Variants in AGBL3 observed in about 807,000 individuals in gnomAD.
AGBL3 encodes the protein AGBL carboxypeptidase 3, also known as cytosolic carboxypeptidase 3.
Under a neutral mutation model 94.5 loss-of-function variants are expected in AGBL3, and 68 were observed. The observed-to-expected ratio is 0.72, with a 90% CI of 0.59 to 0.88. AGBL3 has a LOEUF of 0.88. Among genes scored for constraint, AGBL3 ranks in the 40% least tolerant of loss-of-function variants. The pLI is 0.00. For synonymous variants in AGBL3, 354 were observed against 370.7 expected (o/e 0.95, Z 0.52); for missense variants, 934 against 1,103.8 (o/e 0.85, Z 2.18).
chr7:134,995,892 C>A (rs1810950460), intron 4 of AGBL3, among the ~76,000 whole-genome samples: 1 of 152,172 alleles, frequency 6.6e-6, no homozygotes, highest in South Asian at 2.1e-4. Flanking sequence ...CTGGAACACC[C>A]AATACAATAC....
In AGBL3 at chr7:135,135,063, C is replaced by G; in HGVS notation, c.2565C>G (p.Leu855=). 6.4e-7 allele frequency: 1 copy of G among 1,551,220 alleles called. No individual in the cohort carries two copies. Among genetic ancestry groups the G allele is most frequent in the Non-Finnish European group, 8.7e-7 (1 of 1,146,662 alleles). The change falls in exon 17 of 17, where the codon CTC becomes CTG. Residue 855 remains leucine, a synonymous_variant. Coordinates refer to ENST00000436302, the MANE Select transcript of AGBL3 (RefSeq NM_178563.4). ...TAAAGAATGAAGACATAAAACCTCTCAGCAGCAAGTGGGAGACTGCTTCTT... is the reference window on the plus strand; with the variant it reads ...TAAAGAATGAAGACATAAAACCTCTGAGCAGCAAGTGGGAGACTGCTTCTT... ...WAIKNEDIKP[L]SSKWETASSS...
intron 5 of AGBL3, among the ~76,000 whole-genome samples, chr7:135,020,743 G>A (rs531737475): frequency 2.6e-5 from 4 of 152,172 alleles, no homozygotes; most frequent in East Asian, 1.9e-4. Flanking sequence ...AAAATGATGA[G>A]TTCATGTCCC....
At chr7:135,117,432 T>G (rs868485052) in intron 16 of AGBL3, among the ~76,000 whole-genome samples, 1 of 152,208 alleles carries the variant, frequency 6.6e-6, no homozygotes, top group South Asian at 2.1e-4. Context: ...TGCAAACTCT[T>G]ACAGCACATT....
At chr7:135,023,685 T>C (rs1324760929) in intron 5 of AGBL3, among the ~76,000 whole-genome samples, 1 of 151,944 alleles carries the variant, frequency 6.6e-6, no homozygotes. Context: ...GACTACAGGG[T>C]CAAGAGAGAG....
At chr7:135,024,706 A>T (rs943934159) in intron 5 of AGBL3, among the ~76,000 whole-genome samples, 16 of 152,320 alleles carry the variant, frequency 1.1e-4, no homozygotes, top group African/African-American at 3.8e-4. Flanking sequence ...AATCTTATCG[A>T]GATTCAGGAG....
chr7:134,987,993 ATCGG>A lies in AGBL3; in HGVS notation c.62_63+2del. The A allele has an allele frequency of 6.5e-7, 1 of 1,540,610 alleles. No individual in the cohort carries two copies. The highest frequency in any genetic ancestry group is 8.8e-7 in the Non-Finnish European group (1 of 1,142,136). ...ACAGAACAATCAGTGATGAAGATGAATCGGTATGTTTTTCTCAACTTTATTTTAC... is the reference window on the plus strand; with the variant it reads ...ACAGAACAATCAGTGATGAAGATGAATATGTTTTTCTCAACTTTATTTTAC... On this transcript the variant is annotated splice_donor_variant and coding_sequence_variant, in exon 2 of 17. Coordinates refer to ENST00000436302, the MANE Select transcript of AGBL3 (RefSeq NM_178563.4). LOFTEE classifies it high-confidence loss of function.
chr7:135,128,500 G>A (rs568797639), intron 16 of AGBL3: 44 of 757,446 alleles, frequency 5.8e-5, no homozygotes, highest in African/African-American at 5.0e-4. Context: ...GAGTATTTAC[G>A]ATGGAGATGA....
At chr7:135,053,610 AAAAAC>A (rs201764002) in intron 11 of AGBL3, among the ~76,000 whole-genome samples, 10 of 151,912 alleles carry the variant, frequency 6.6e-5, no homozygotes, top group Non-Finnish European at 1.5e-4. Flanking sequence ...TCCGTCTCAA[AAAAAC>A]AAAACAAAAC....
Position 135,066,569 on chromosome 7 carries a change from A to G in AGBL3, c.1908+7334A>G, listed in dbSNP as rs1333476610. On this transcript the variant is annotated intron_variant, in intron 12 of 16. Coordinates refer to ENST00000436302, the MANE Select transcript of AGBL3 (RefSeq NM_178563.4). ...AAAACAATATGGAGTTTCCTCAAAA[A>G]AATTTAAAAGTGAATTACCATATGA... Among the ~76,000 whole-genome samples the G allele has an allele frequency of 3.3e-5, 5 of 152,246 alleles. No individual in the cohort carries two copies. In the East Asian group the frequency reaches 9.6e-4, roughly 29 times the overall value.
chr7:135,080,329 C>G (rs1327133575), intron 14 of AGBL3, 69 bp downstream of exon 14: 1 of 1,342,444 alleles, frequency 7.4e-7, no homozygotes, highest in African/African-American at 1.5e-5. Flanking sequence ...TTTGGTGCCA[C>G]AACTTTGAGG....
chr7:135,128,455 C>A, intron 16 of AGBL3: 1 of 731,236 alleles, frequency 1.4e-6, no homozygotes. Context: ...GTCAGAAGAC[C>A]AAGAAGCTCA....
intron 3 of AGBL3, among the ~76,000 whole-genome samples, chr7:134,993,174 C>T (rs1163581765): frequency 1.3e-5 from 2 of 152,174 alleles, no homozygotes; most frequent in Non-Finnish European, 2.9e-5. Context: ...ACTCGTTAGA[C>T]AAATAGTGTG....
intron 15 of AGBL3, among the ~76,000 whole-genome samples, chr7:135,107,509 T>G (rs1400717791): frequency 1.3e-5 from 2 of 152,228 alleles, no homozygotes; most frequent in Non-Finnish European, 2.9e-5. Context: ...TTAGTTTCCC[T>G]GTAATTGCAT....
chr7:135,080,389 C>T (rs990130324), intron 14 of AGBL3, 129 bp downstream of exon 14: 13 of 692,598 alleles, frequency 1.9e-5, no homozygotes, highest in African/African-American at 7.1e-5. Flanking sequence ...GATACCATTT[C>T]TTCCCTGCAG....
At chr7:135,133,555 G>A (rs761301387) in intron 16 of AGBL3, among the ~76,000 whole-genome samples, 4 of 152,148 alleles carry the variant, frequency 2.6e-5, no homozygotes, top group African/African-American at 9.7e-5. Flanking sequence ...CAAGACAGTA[G>A]TATTAGAGGA....
At chr7:135,133,080 C>G (rs1247331860) in intron 16 of AGBL3, among the ~76,000 whole-genome samples, 1 of 151,110 alleles carries the variant, frequency 6.6e-6, no homozygotes, top group Admixed American at 6.6e-5. Flanking sequence ...CACACACACA[C>G]ACACACACAC....
intron 5 of AGBL3, among the ~76,000 whole-genome samples, chr7:135,029,061 C>G (rs1266424884): frequency 6.6e-6 from 1 of 152,124 alleles, no homozygotes; most frequent in Non-Finnish European, 1.5e-5. Flanking sequence ...GTGGTGTCGT[C>G]TAGATTTTGT....
chr7:135,032,570 G>A (rs930234628), intron 5 of AGBL3, among the ~76,000 whole-genome samples: 2 of 151,164 alleles, frequency 1.3e-5, no homozygotes, highest in East Asian at 1.9e-4. Context: ...TGCCTGCCTC[G>A]GCTTCCCAAA....
intron 12 of AGBL3, among the ~76,000 whole-genome samples, chr7:135,059,486 T>C (rs1446109879): frequency 6.6e-6 from 1 of 152,228 alleles, no homozygotes; most frequent in Non-Finnish European, 1.5e-5. Flanking sequence ...ATACAACTTG[T>C]TAGTGACAGA....
Sources: gnomAD v4.1 joint callset for allele counts (sites outside exome capture counted in the v4.1 genomes callset) on GRCh38, gnomAD v4.1.1 for gene constraint, MANE v1.5 for transcripts, NCBI Gene and HGNC (gene_info 2026-07-23, HGNC 2026-07-21) for gene names.